Variants in WDTC1 observed in about 807,000 individuals in gnomAD.
WDTC1 encodes WD and tetratricopeptide repeats 1.
A neutral mutation model predicts 76.0 loss-of-function variants in WDTC1; 12 were observed. The observed-to-expected ratio is 0.16, with a 90% CI of 0.10 to 0.26. The LOEUF is 0.26. Among genes scored for constraint, WDTC1 ranks in the 10% least tolerant of loss-of-function variants. WDTC1 has a pLI of 1.00. For synonymous variants in WDTC1, 326 were observed against 350.8 expected (o/e 0.93, Z 0.79); for missense variants, 511 against 908.8 (o/e 0.56, Z 5.63).
At chr1:27,284,222 C>T (rs974298819) in intron 5 of WDTC1, among the ~76,000 whole-genome samples, 2 of 152,060 alleles carry the variant, frequency 1.3e-5, no homozygotes, top group South Asian at 4.2e-4. Context: ...TAGAATGGGC[C>T]CCTGGAGGAG....
At chr1:27,275,578 A>G (rs1447704982) in intron 3 of WDTC1, among the ~76,000 whole-genome samples, 1 of 150,464 alleles carries the variant, frequency 6.6e-6, no homozygotes, top group Non-Finnish European at 1.5e-5. Flanking sequence ...AGATTGCACC[A>G]CTGCACTCTA....
intron 1 of WDTC1, among the ~76,000 whole-genome samples, chr1:27,254,122 GAAAA>G (rs967262474): frequency 1.3e-5 from 2 of 151,658 alleles, no homozygotes; most frequent in African/African-American, 4.8e-5. Context: ...ACAAAAAAAA[GAAAA>G]AAACAAAATG....
chr1:27,281,439 C>CAA (rs891009695), intron 3 of WDTC1, among the ~76,000 whole-genome samples: 42 of 61,254 alleles, frequency 6.9e-4, no homozygotes, highest in East Asian at 3.7e-3. Flanking sequence ...GACTCTGTCT[C>CAA]AAAAAAAAAA....
rs532031944 is a variant in WDTC1 at position 27,270,098 on chromosome 1, C to T, written c.132+6863C>T. Among the ~76,000 whole-genome samples the T allele has an allele frequency of 3.9e-5, 6 of 152,074 alleles. No individual in the cohort carries two copies. The South Asian group carries it at 1.0e-3, about 26-fold the overall frequency. ...GACTACAGACATGCACCACCATGCC[C>T]AGCTAGTTAGAAACAGGGTTTTACC... On this transcript the variant is annotated intron_variant, in intron 3 of 15. Transcript: ENST00000319394.
intron 3 of WDTC1, among the ~76,000 whole-genome samples, chr1:27,277,464 C>T (rs2013063173): frequency 6.6e-6 from 1 of 152,066 alleles, no homozygotes; most frequent in African/African-American, 2.4e-5. Flanking sequence ...AATTGCTTGA[C>T]ACTCTTTTTT....
chr1:27,301,505 G>A lies in WDTC1; in HGVS notation c.1468+44G>A. The A allele has an allele frequency of 1.1e-5, 18 of 1,591,408 alleles. No individual in the cohort carries two copies. Among genetic ancestry groups the A allele is most frequent in the Non-Finnish European group, 1.5e-5 (17 of 1,169,438 alleles). On this transcript the variant is annotated intron_variant, in intron 13 of 15. Coordinates refer to ENST00000319394, the MANE Select transcript of WDTC1 (RefSeq NM_001276252.2). This position sits in a 1 kb window ranked among gnomAD's most constrained non-coding sequence, Gnocchi z 5.8. Reference sequence around the variant, plus strand: ...GGGGGTGCTGTTACTCTTTCTCTTTGAGATGCTGCATGACATTCTGGAGAG... The same window carrying A: ...GGGGGTGCTGTTACTCTTTCTCTTTAAGATGCTGCATGACATTCTGGAGAG...
rs2013599558 is a variant in WDTC1, at chr1:27,293,563, A to G, written c.663-459A>G. ...TTATAGTGTCTTTCTTAAAGAAATC[A>G]CTGTATATAATATTTCCTGCTAGTT... is the stretch of plus-strand genomic sequence containing the variant. On this transcript the variant is annotated intron_variant, in intron 7 of 15. Coordinates refer to ENST00000319394, the MANE Select transcript of WDTC1 (RefSeq NM_001276252.2). Among the ~76,000 whole-genome samples, 3 of 151,936 alleles carry G rather than the reference A, an allele frequency of 2.0e-5. No homozygotes were observed. The South Asian group carries it at 6.2e-4, about 32-fold the overall frequency.
At chr1:27,290,711 A>G (rs563912219) in intron 6 of WDTC1, among the ~76,000 whole-genome samples, 5 of 152,196 alleles carry the variant, frequency 3.3e-5, no homozygotes, top group Admixed American at 3.3e-4. Context: ...TTCAGCTGTG[A>G]CCTTAGAACT....
At chr1:27,281,188 G>A (rs929259267) in intron 3 of WDTC1, among the ~76,000 whole-genome samples, 2 of 152,072 alleles carry the variant, frequency 1.3e-5, no homozygotes. Flanking sequence ...GAGGCTGGGC[G>A]CGGTGGCTCA....
intron 1 of WDTC1, among the ~76,000 whole-genome samples, chr1:27,251,958 G>A (rs1307347369): frequency 6.6e-6 from 1 of 152,052 alleles, no homozygotes; most frequent in African/African-American, 2.4e-5. Context: ...TGAGGCAGGA[G>A]AATTGCTTGA....
chr1:27,255,906 A>C (rs982032575), intron 1 of WDTC1, among the ~76,000 whole-genome samples: 2 of 150,910 alleles, frequency 1.3e-5, no homozygotes, highest in African/African-American at 2.4e-5. Context: ...GGGTCTTAGC[A>C]CTCTCTCCCT....
chr1:27,253,333 GCTT>G lies in WDTC1; in HGVS notation c.-99-7613_-99-7611del, dbSNP rs1055694689. On this transcript the variant is annotated intron_variant, in intron 1 of 15. Transcript: ENST00000319394. ...CCCGGCCGGCCTCCTCTCTGTTTCT[GCTT>G]CTTCTTCTTTCTTCTTTCTTCTTTC... is the stretch of plus-strand genomic sequence containing the variant. Among the ~76,000 whole-genome samples, 141 of 147,310 alleles carry G rather than the reference GCTT, an allele frequency of 9.6e-4. 1 individual carries two copies. The highest frequency in any genetic ancestry group is 3.2e-3 in the African/African-American group (124 of 39,082).
chr1:27,253,622 T>C (rs1179378481), intron 1 of WDTC1, among the ~76,000 whole-genome samples: 3 of 151,730 alleles, frequency 2.0e-5, no homozygotes, highest in Non-Finnish European at 2.9e-5. Context: ...GCTGGGATTA[T>C]AGGCGTGAGC....
Position 27,303,378 on chromosome 1 carries a change from C to A in WDTC1, c.1469-243C>A, listed in dbSNP as rs1190678053. Among the ~76,000 whole-genome samples the A allele has an allele frequency of 1.3e-5, 2 of 152,140 alleles. No homozygotes were observed. The highest frequency in any genetic ancestry group is 4.8e-5 in the African/African-American group (2 of 41,424). ...TCTCTGCATCTTTGGGGCTTTCAGG[C>A]CCTCATTTAGGGACCTGAACCAGGG... On this transcript the variant is annotated intron_variant, in intron 13 of 15. Coordinates refer to ENST00000319394, the MANE Select transcript of WDTC1 (RefSeq NM_001276252.2). This position sits in a 1 kb window ranked among gnomAD's most constrained non-coding sequence, Gnocchi z 4.8.
chr1:27,282,114 C>T, intron 3 of WDTC1, 125 bp from the exon 4 acceptor site: 1 of 881,980 alleles, frequency 1.1e-6, no homozygotes, highest in South Asian at 1.6e-5. Flanking sequence ...TGGCCACTCA[C>T]ATGCACTTGG....
At chr1:27,239,557 C>T (rs571653868) in intron 1 of WDTC1, among the ~76,000 whole-genome samples, 10 of 145,010 alleles carry the variant, frequency 6.9e-5, no homozygotes, top group Non-Finnish European at 1.2e-4. Context: ...TGTGCAGTGG[C>T]TCATGCCTGT....
Position 27,263,250 on chromosome 1 carries a change from TTGCACCTTAGA to T in WDTC1, c.132+20_132+30del. 6.2e-7 allele frequency: 1 copy of T among 1,611,140 alleles called. No homozygotes were observed. Among genetic ancestry groups the T allele is most frequent in the East Asian group, 2.2e-5 (1 of 44,720 alleles). ...CAGAGCTGCAGGTAAGAGATCCAGT[TTGCACCTTAGA>T]TGCAGATGGCCTGCTGTCCATTCTC... On this transcript the variant is annotated intron_variant, in intron 3 of 15. Transcript: ENST00000319394.
At chr1:27,254,576 C>T (rs1236063325) in intron 1 of WDTC1, among the ~76,000 whole-genome samples, 3 of 151,800 alleles carry the variant, frequency 2.0e-5, no homozygotes, top group Admixed American at 6.6e-5. Context: ...GCCTGGGTGA[C>T]AGAGTGAGAC....
At position 27,260,166 on chromosome 1, in the gene WDTC1, G is replaced by A. The variant is rs574385304; in HGVS notation, c.-99-790G>A. On this transcript the variant is annotated intron_variant, in intron 1 of 15. Coordinates refer to ENST00000319394, the MANE Select transcript of WDTC1 (RefSeq NM_001276252.2). Reference sequence around the variant, plus strand: ...GTCGCCCAGGCTGGAGTGCAGTGGCGCAATCTCGGCTCACTGCAAGCTCCG... The same window carrying A: ...GTCGCCCAGGCTGGAGTGCAGTGGCACAATCTCGGCTCACTGCAAGCTCCG... Among the ~76,000 whole-genome samples the A allele has an allele frequency of 1.0e-3, 154 of 152,022 alleles. 1 individual carries two copies. The highest frequency in any genetic ancestry group is 1.9e-3 in the Non-Finnish European group (126 of 68,002).
Sources: allele counts gnomAD v4.1 joint callset (sites outside exome capture counted in the v4.1 genomes callset), GRCh38; gene constraint gnomAD v4.1.1; non-coding constraint Gnocchi (gnomAD v3.1); transcripts MANE v1.5; gene names NCBI Gene and HGNC (gene_info 2026-07-23, HGNC 2026-07-21).